Variants in STAG1 observed in about 807,000 individuals in gnomAD.
STAG1 encodes STAG1 cohesin complex component, also known as cohesin subunit SA-1.
In STAG1, 26 loss-of-function variants were observed where a neutral mutation model predicts 170.9. The observed-to-expected ratio is 0.15, with a 90% CI of 0.11 to 0.21. STAG1 has a LOEUF of 0.21. STAG1 is among the 10% of genes least tolerant of loss of function. The probability of loss-of-function intolerance (pLI) is 1.00; values close to 1 mark genes in which losing one functional copy is unlikely to be tolerated. For synonymous variants in STAG1, 514 were observed against 497.7 expected (o/e 1.03, Z -0.44); for missense variants, 964 against 1,509.5 (o/e 0.64, Z 5.99).
chr3:136,692,828 G>A (rs943103472), intron 1 of STAG1, among the ~76,000 whole-genome samples: 1 of 152,116 alleles, frequency 6.6e-6, no homozygotes. Flanking sequence ...CAACTTGTAA[G>A]GCAGATTGGC....
At chr3:136,673,453 T>A (rs755866407) in intron 1 of STAG1, among the ~76,000 whole-genome samples, 1 of 152,138 alleles carries the variant, frequency 6.6e-6, no homozygotes, top group Non-Finnish European at 1.5e-5. Flanking sequence ...CTAGAAAACA[T>A]GAATGGTAAG....
chr3:136,610,201 T>C (rs1939199645), intron 3 of STAG1, among the ~76,000 whole-genome samples: 1 of 152,110 alleles, frequency 6.6e-6, no homozygotes, highest in African/African-American at 2.4e-5. Flanking sequence ...CACTCCCAGC[T>C]AATCTTTGTA....
intron 23 of STAG1, among the ~76,000 whole-genome samples, chr3:136,375,264 T>A (rs1937531777): frequency 1.3e-5 from 2 of 152,234 alleles, no homozygotes; most frequent in Non-Finnish European, 1.5e-5. Flanking sequence ...TGAATACATT[T>A]GTACACATTA....
intron 16 of STAG1, among the ~76,000 whole-genome samples, chr3:136,425,189 T>C (rs1383355268): frequency 6.6e-6 from 1 of 152,086 alleles, no homozygotes; most frequent in Non-Finnish European, 1.5e-5. Flanking sequence ...CAAAAGACTG[T>C]GCGTAGGTGA....
intron 1 of STAG1, among the ~76,000 whole-genome samples, chr3:136,679,684 G>C (rs139208969): frequency 6.7e-6 from 1 of 148,668 alleles, no homozygotes; most frequent in Non-Finnish European, 1.5e-5. Flanking sequence ...AGCCGAGATA[G>C]TGCCACTGCA....
intron 1 of STAG1, among the ~76,000 whole-genome samples, chr3:136,637,872 AT>A (rs769669998): frequency 6.0e-3 from 839 of 140,780 alleles, no homozygotes; most frequent in Middle Eastern, 7.4e-3. Context: ...GTGTGAACAC[AT>A]TTTTTTTTTT....
chr3:136,594,807 G>A (rs780768315), intron 4 of STAG1, among the ~76,000 whole-genome samples: 24 of 152,030 alleles, frequency 1.6e-4, no homozygotes, highest in African/African-American at 3.1e-4. Context: ...TCTCACTCCC[G>A]TTGCCCAGGC....
At chr3:136,564,995 A>AAGGAAGGAAGGT in intron 5 of STAG1, among the ~76,000 whole-genome samples, 1 of 80,892 alleles carries the variant, frequency 1.2e-5, no homozygotes, top group African/African-American at 7.9e-5. Context: ...GGAAGGAAGG[A>AAGGAAGGAAGGT]AGGAAGGAAG....
rs2108248719 is a variant in STAG1, at chr3:136,336,725, T to TGA, written c.*1527_*1528dup. On this transcript the variant is annotated 3_prime_UTR_variant, in exon 34 of 34. Transcript: ENST00000383202. Reference sequence around the variant, plus strand: ...GTTTTTTTCAGAACTGTACAAATGTTGAGAAAAATGTTTTGTGTCTTTACT... The same window carrying TGA: ...GTTTTTTTCAGAACTGTACAAATGTTGAGAGAAAAATGTTTTGTGTCTTTACT... 6.6e-6 allele frequency: 1 copy of TGA among 152,344 alleles called. No homozygotes were observed. The highest frequency in any genetic ancestry group is 1.9e-4 in the East Asian group (1 of 5,184). The allele number at this position is 152,344 out of a possible 1,614,324, so 9.4% of individuals were successfully genotyped here.
chr3:136,551,180 TGAGAGA>T (rs200766766), intron 5 of STAG1, among the ~76,000 whole-genome samples: 1 of 139,600 alleles, frequency 7.2e-6, no homozygotes, highest in Non-Finnish European at 1.5e-5. Flanking sequence ...TTTTTTTTTT[TGAGAGA>T]GAGAGAGAGG....
At chr3:136,656,268 G>A (rs1190698471) in intron 1 of STAG1, among the ~76,000 whole-genome samples, 2 of 152,090 alleles carry the variant, frequency 1.3e-5, no homozygotes, top group Admixed American at 6.6e-5. Context: ...GCCTGAAGCT[G>A]GGGTTGGGGG....
chr3:136,498,227 T>C lies in STAG1; in HGVS notation c.902+1996A>G, dbSNP rs375303656. On this transcript the variant is annotated intron_variant, in intron 9 of 33. Coordinates refer to ENST00000383202, the MANE Select transcript of STAG1 (RefSeq NM_005862.3). ...AAAAAAAATTATATATATATATATA[T>C]ATATATACACATACATATACATACA... Among the ~76,000 whole-genome samples the C allele has an allele frequency of 6.2e-4, 36 of 57,874 alleles. 1 individual carries two copies. The highest frequency in any genetic ancestry group is 2.2e-3 in the Admixed American group (12 of 5,492). 38.0% of individuals were successfully genotyped at this position (57,874 alleles called of 152,430 possible).
At chr3:136,453,440 A>T (rs944414122) in intron 13 of STAG1, among the ~76,000 whole-genome samples, 2 of 151,886 alleles carry the variant, frequency 1.3e-5, no homozygotes, top group African/African-American at 4.8e-5. Context: ...AAATACAAAA[A>T]ATTAGCCGGG....
chr3:136,447,340 G>A (rs868768101), intron 14 of STAG1, among the ~76,000 whole-genome samples: 4 of 151,764 alleles, frequency 2.6e-5, no homozygotes, highest in African/African-American at 7.2e-5. Context: ...GTGGTGGCGC[G>A]TGCCTGCAGT....
intron 1 of STAG1, among the ~76,000 whole-genome samples, chr3:136,643,133 C>T (rs1940866464): frequency 6.6e-6 from 1 of 152,202 alleles, no homozygotes; most frequent in Non-Finnish European, 1.5e-5. Context: ...AAGATTTCAA[C>T]GTATCTATTT....
chr3:136,744,769 G>T (rs1934852626), intron 1 of STAG1, among the ~76,000 whole-genome samples: 1 of 148,426 alleles, frequency 6.7e-6, no homozygotes, highest in African/African-American at 2.5e-5. Context: ...TCCGCCTCCA[G>T]AGTTCAAGCA....
intron 12 of STAG1, among the ~76,000 whole-genome samples, chr3:136,469,760 C>T (rs2089573292): frequency 6.6e-6 from 1 of 152,024 alleles, no homozygotes; most frequent in Non-Finnish European, 1.5e-5. Flanking sequence ...GTAACCAAAA[C>T]AGCATGGTAC....
At chr3:136,644,435 T>C (rs1256775704) in intron 1 of STAG1, among the ~76,000 whole-genome samples, 3 of 152,190 alleles carry the variant, frequency 2.0e-5, no homozygotes, top group African/African-American at 7.2e-5. Flanking sequence ...ACTCCAGGGA[T>C]GCCTCTGATC....
Position 136,359,412 on chromosome 3 carries a change from G to A in STAG1, c.2788-116C>T, listed in dbSNP as rs1271758827. On this transcript the variant is annotated intron_variant, in intron 26 of 33. Coordinates refer to ENST00000383202, the MANE Select transcript of STAG1 (RefSeq NM_005862.3). Reference sequence around the variant, plus strand: ...TATAAGGTGAAATGTTTCTCTTCTTGCATTGAATTTTAGCTACTCTGTTCC... The same window carrying A: ...TATAAGGTGAAATGTTTCTCTTCTTACATTGAATTTTAGCTACTCTGTTCC... The A allele has an allele frequency of 7.2e-6, 5 of 696,782 alleles. No individual in the cohort carries two copies. The Admixed American group carries it at 1.1e-4, about 15-fold the overall frequency. 43.2% of individuals were successfully genotyped at this position (696,782 alleles called of 1,614,324 possible).
Sources: allele counts gnomAD v4.1 joint callset (sites outside exome capture counted in the v4.1 genomes callset), GRCh38; gene constraint gnomAD v4.1.1; transcripts MANE v1.5; gene names NCBI Gene and HGNC (gene_info 2026-07-23, HGNC 2026-07-21).